SPATA31G1: variants seen among roughly 807,000 people sequenced by gnomAD.
The protein encoded by SPATA31G1 is spermatogenesis-associated protein 31G1.
the SPATA31G1 span, chr9:35,045,864 C>T: frequency 6.3e-7 from 1 of 1,599,390 alleles, no homozygotes; most frequent in South Asian, 1.1e-5. Flanking sequence ...CAAATCTAGT[C>T]AGTAGAGAAA....
the SPATA31G1 span, chr9:35,044,271 C>T: frequency 6.2e-7 from 1 of 1,614,200 alleles, no homozygotes; most frequent in East Asian, 2.2e-5. Flanking sequence ...GGATACTGAG[C>T]ATTCCAGGAA....
chr9:35,045,666 T>C, the SPATA31G1 span: 1 of 1,614,166 alleles, frequency 6.2e-7, no homozygotes, highest in Non-Finnish European at 8.5e-7. Context: ...CCCCAAAGCT[T>C]CGGGTCCCCA....
chr9:35,042,342 C>T, the SPATA31G1 span: 3 of 1,614,118 alleles, frequency 1.9e-6, no homozygotes, highest in East Asian at 4.5e-5. Flanking sequence ...AGCCTGCAGA[C>T]ACTGCGGCAG....
At chr9:35,042,532 A>G in the SPATA31G1 span, 2 of 1,612,752 alleles carry the variant, frequency 1.2e-6, no homozygotes. Context: ...TGCTGACACC[A>G]CATGTGAGGT....
the SPATA31G1 span, chr9:35,044,000 A>T: frequency 1.2e-6 from 2 of 1,613,092 alleles, no homozygotes; most frequent in Non-Finnish European, 8.5e-7. Context: ...AGGGCATGCA[A>T]AGTAGAGAAA....
chr9:35,044,530 A>G, the SPATA31G1 span: 4 of 1,614,092 alleles, frequency 2.5e-6, no homozygotes, highest in East Asian at 8.9e-5. Context: ...GAGCAAAAAG[A>G]AAACTGTGTT....
At chr9:35,045,729 T>A in the SPATA31G1 span, 1 of 1,614,220 alleles carries the variant, frequency 6.2e-7, no homozygotes, top group Non-Finnish European at 8.5e-7. Context: ...CCCTCGCCAC[T>A]GTAAGCACTG....
At chr9:35,045,253 AG>A in the SPATA31G1 span, 3 of 1,614,114 alleles carry the variant, frequency 1.9e-6, no homozygotes, top group Non-Finnish European at 2.5e-6. Flanking sequence ...CTTCAGCCAC[AG>A]GAGTCTGGCA....
the SPATA31G1 span, chr9:35,043,775 G>C: frequency 3.2e-5 from 51 of 1,614,176 alleles, no homozygotes; most frequent in African/African-American, 6.5e-4. Context: ...AGGCCTCTGA[G>C]TCTTCAATGC....
the SPATA31G1 span, chr9:35,042,570 G>A: frequency 6.3e-7 from 1 of 1,590,610 alleles, no homozygotes; most frequent in Non-Finnish European, 8.6e-7. Flanking sequence ...GCCCAGGTGA[G>A]TGACTATAAG....
chr9:35,042,319 T>A, the SPATA31G1 span: 1 of 1,614,256 alleles, frequency 6.2e-7, no homozygotes, highest in Middle Eastern at 1.6e-4. Context: ...TGGGGCCAAC[T>A]GACCCATGCC....
At chr9:35,041,390 T>C in the SPATA31G1 span, 1 of 208,832 alleles carries the variant, frequency 4.8e-6, no homozygotes, top group African/African-American at 2.4e-5. Context: ...GGAAAGTCTT[T>C]GAAGAGGAAC....
chr9:35,045,275 A>C, the SPATA31G1 span: 13 of 1,614,026 alleles, frequency 8.1e-6, no homozygotes, highest in South Asian at 1.4e-4. Context: ...GGGCGGAACA[A>C]GGGTCTCAGA....
the SPATA31G1 span, chr9:35,042,636 G>T: frequency 3.9e-6 from 5 of 1,294,536 alleles, no homozygotes; most frequent in Non-Finnish European, 5.4e-6. Context: ...AGCCAGGTGA[G>T]TGACCATGGA....
chr9:35,044,324 C>T, the SPATA31G1 span: 19 of 1,614,128 alleles, frequency 1.2e-5, 1 homozygote, highest in South Asian at 1.2e-4. Context: ...TCAGCCCACC[C>T]CCAGCTCTTG....
chr9:35,042,494 C>G, the SPATA31G1 span: 2 of 1,614,104 alleles, frequency 1.2e-6, no homozygotes, highest in Non-Finnish European at 1.7e-6. Context: ...AGGTGGGTGA[C>G]CTGTGACTGT....
the SPATA31G1 span, chr9:35,045,030 A>G: frequency 1.2e-5 from 20 of 1,614,220 alleles, no homozygotes; most frequent in Non-Finnish European, 1.5e-5. Context: ...CCCTGCCTCC[A>G]GAGCCCCTGG....
chr9:35,041,460 T>A, the SPATA31G1 span: 1 of 173,440 alleles, frequency 5.8e-6, no homozygotes, highest in South Asian at 1.1e-4. Context: ...AATATTATTG[T>A]GCTGGGTAGA....
chr9:35,042,874 T>C, the SPATA31G1 span: 1 of 1,614,056 alleles, frequency 6.2e-7, no homozygotes, highest in South Asian at 1.1e-5. Flanking sequence ...CTACCACTTC[T>C]GCACCGTGTG....
Sources: gnomAD v4.1 joint callset for allele counts on GRCh38, gnomAD v4.1.1 for gene constraint, MANE v1.5 for transcripts, NCBI Gene and HGNC (gene_info 2026-07-23, HGNC 2026-07-21) for gene names.